Variants in ARHGAP42 observed in about 807,000 individuals in gnomAD.
ARHGAP42 encodes the protein rho GTPase-activating protein 42.
In ARHGAP42, 63 loss-of-function variants were observed where a neutral mutation model predicts 125.0. The observed-to-expected ratio is 0.50, with a 90% CI of 0.41 to 0.62. The LOEUF (loss-of-function observed/expected upper bound fraction) is 0.62, where lower values mean the gene tolerates loss of function less well. Among genes scored for constraint, ARHGAP42 ranks in the 20% least tolerant of loss-of-function variants. The pLI is 0.00. For missense variants in ARHGAP42, 766 were observed against 1,024.2 expected, an observed-to-expected ratio of 0.75 and a Z score of 3.44; for synonymous variants, 339 against 351.0, an observed-to-expected ratio of 0.97 and a Z score of 0.38.
intron 1 of ARHGAP42, among the ~76,000 whole-genome samples, chr11:100,712,026 G>A (rs1050455347): frequency 1.3e-5 from 2 of 152,196 alleles, no homozygotes; most frequent in South Asian, 2.1e-4. Context: ...TAAAGGGTTT[G>A]TACCCACTGA....
intron 9 of ARHGAP42, among the ~76,000 whole-genome samples, chr11:100,943,098 G>A (rs17647068): frequency 2.0e-5 from 3 of 151,744 alleles, no homozygotes; most frequent in Non-Finnish European, 4.4e-5. Flanking sequence ...TTTTAGTAGC[G>A]GTGTAGCAGT....
chr11:100,742,951 T>C (rs1432860960), intron 1 of ARHGAP42, among the ~76,000 whole-genome samples: 2 of 152,258 alleles, frequency 1.3e-5, no homozygotes, highest in Non-Finnish European at 2.9e-5. Context: ...CTTGGATTTA[T>C]ATGAATCCTT....
In ARHGAP42 at chr11:100,715,754, C is replaced by A. The variant is rs536622436; in HGVS notation, c.154+27922C>A. 1.6e-3 allele frequency among the ~76,000 whole-genome samples: 239 copies of A among 152,248 alleles called. 1 individual carries two copies. The highest frequency in any genetic ancestry group is 3.4e-3 in the Middle Eastern group (1 of 294). ...GAGATTGATATTGGTGTGTGGTAAT[C>A]CCCTCTCAGGGATTGATACTGGTGC... On this transcript the variant is annotated intron_variant, in intron 1 of 23. Transcript: ENST00000298815.
At chr11:100,703,601 T>C (rs1236591893) in intron 1 of ARHGAP42, among the ~76,000 whole-genome samples, 1 of 152,242 alleles carries the variant, frequency 6.6e-6, no homozygotes, top group Non-Finnish European at 1.5e-5. Flanking sequence ...TTATAAGATA[T>C]GATATAGTTT....
rs563851885 is a variant in ARHGAP42 at position 100,937,811 on chromosome 11, T to A, written c.832+1479T>A. Among the ~76,000 whole-genome samples the A allele has an allele frequency of 3.9e-5, 6 of 152,342 alleles. No homozygotes were observed. In the South Asian group the frequency reaches 1.2e-3, roughly 32 times the overall value. ...TCTTCAAATATATCATATTCGGTCC[T>A]ACTTGGTAGTGAGTGCACCCACTGG... On this transcript the variant is annotated intron_variant, in intron 8 of 23. Transcript: ENST00000298815.
At chr11:100,788,037 T>C (rs1863476667) in intron 2 of ARHGAP42, among the ~76,000 whole-genome samples, 1 of 152,234 alleles carries the variant, frequency 6.6e-6, no homozygotes, top group Non-Finnish European at 1.5e-5. Context: ...ATTATCATTT[T>C]CTTTTGTGGA....
At chr11:100,878,994 T>TC (rs10691397) in intron 4 of ARHGAP42, among the ~76,000 whole-genome samples, 8 of 151,356 alleles carry the variant, frequency 5.3e-5, no homozygotes, top group African/African-American at 1.7e-4. Context: ...TTTTTTTTTT[T>TC]CAAGGAAAGA....
chr11:100,887,847 C>G (rs1866128510), intron 4 of ARHGAP42, among the ~76,000 whole-genome samples: 1 of 152,174 alleles, frequency 6.6e-6, no homozygotes, highest in Non-Finnish European at 1.5e-5. Flanking sequence ...CAGAAAGGCC[C>G]AGCCATTTAA....
At chr11:100,851,593 C>T (rs903054185) in intron 3 of ARHGAP42, among the ~76,000 whole-genome samples, 1 of 152,110 alleles carries the variant, frequency 6.6e-6, no homozygotes, top group African/African-American at 2.4e-5. Flanking sequence ...TTATGTATTA[C>T]TATACTTTTG....
chr11:100,707,624 C>T (rs996361242), intron 1 of ARHGAP42, among the ~76,000 whole-genome samples: 1 of 152,126 alleles, frequency 6.6e-6, no homozygotes. Context: ...ATGCAAAGAA[C>T]AGTGTTGAGC....
At chr11:100,807,189 C>T (rs1021047647) in intron 3 of ARHGAP42, among the ~76,000 whole-genome samples, 2 of 147,864 alleles carry the variant, frequency 1.4e-5, no homozygotes, top group African/African-American at 2.5e-5. Context: ...CTTTTATATA[C>T]ATTTTCTTTT....
chr11:100,690,347 T>C (rs1733960097), intron 1 of ARHGAP42, among the ~76,000 whole-genome samples: 1 of 152,206 alleles, frequency 6.6e-6, no homozygotes, highest in Admixed American at 6.5e-5. Flanking sequence ...ATATTATTTT[T>C]ATCCCTGTTG....
Position 100,837,666 on chromosome 11 carries a change from C to CTTTTTTTTTTTTT in ARHGAP42, c.313-21869_313-21857dup, listed in dbSNP as rs373059302. Among the ~76,000 whole-genome samples, 462 of 60,770 alleles carry CTTTTTTTTTTTTT rather than the reference C, an allele frequency of 7.6e-3. 58 individuals are homozygous for CTTTTTTTTTTTTT. Among genetic ancestry groups the CTTTTTTTTTTTTT allele is most frequent in the East Asian group, 9.4e-3 (16 of 1,704 alleles). The allele number at this position is 60,770 out of a possible 152,430, so 39.9% of individuals were successfully genotyped here. On this transcript the variant is annotated intron_variant, in intron 3 of 23. Transcript: ENST00000298815. ...CAGTTCCCAGAATCTAGGTGTCATC[C>CTTTTTTTTTTTTT]TTTTTTTTTTTTTTTTTTTTTTTTT...
At chr11:100,846,374 G>A (rs1045715558) in intron 3 of ARHGAP42, among the ~76,000 whole-genome samples, 3 of 152,076 alleles carry the variant, frequency 2.0e-5, no homozygotes, top group African/African-American at 7.2e-5. Context: ...GACTGAAACT[G>A]ATATATGAAT....
intron 4 of ARHGAP42, among the ~76,000 whole-genome samples, chr11:100,875,970 G>A (rs1865815756): frequency 6.6e-6 from 1 of 152,098 alleles, no homozygotes; most frequent in Non-Finnish European, 1.5e-5. Flanking sequence ...GGGTGGTTGT[G>A]TAGGAGAGCA....
intron 4 of ARHGAP42, among the ~76,000 whole-genome samples, chr11:100,902,959 G>A (rs892014871): frequency 6.6e-6 from 1 of 152,132 alleles, no homozygotes; most frequent in South Asian, 2.1e-4. Context: ...GCCCCGAGGT[G>A]TGTTGGTTTT....
intron 1 of ARHGAP42, among the ~76,000 whole-genome samples, chr11:100,733,859 A>G (rs1862006147): frequency 7.0e-6 from 1 of 142,784 alleles, no homozygotes; most frequent in Non-Finnish European, 1.5e-5. Flanking sequence ...AAAGCACTCC[A>G]TTTATACAAA....
chr11:100,696,435 C>T lies in ARHGAP42; in HGVS notation c.154+8603C>T, dbSNP rs11224391. Among the ~76,000 whole-genome samples the T allele has an allele frequency of 2.5e-3, 379 of 151,120 alleles. 14 individuals carry two copies. In the East Asian group the frequency reaches 0.071, roughly 28 times the overall value. On this transcript the variant is annotated intron_variant, in intron 1 of 23. Transcript: ENST00000298815. Reference sequence around the variant, plus strand: ...ATGGCGTGATCTTGGCTGACTGCAACTTCCGCCTCCCGGGTTCAAGCAATC... The same window carrying T: ...ATGGCGTGATCTTGGCTGACTGCAATTTCCGCCTCCCGGGTTCAAGCAATC...
chr11:100,687,892 G>T (rs964343847), intron 1 of ARHGAP42, 60 bp downstream of exon 1: 1 of 1,478,222 alleles, frequency 6.8e-7, no homozygotes, highest in African/African-American at 1.4e-5. Context: ...CGGGGTGCGG[G>T]TCCGAAGGGT....
Sources: gnomAD v4.1 joint callset for allele counts (sites outside exome capture counted in the v4.1 genomes callset) on GRCh38, gnomAD v4.1.1 for gene constraint, MANE v1.5 for transcripts, NCBI Gene and HGNC (gene_info 2026-07-23, HGNC 2026-07-21) for gene names.